FBN2: variants seen among roughly 807,000 people sequenced by gnomAD.
The protein encoded by FBN2 is fibrillin-2.
FBN2 carries 105 observed loss-of-function variants against 355.6 expected under a neutral mutation model. The ratio of observed to expected loss-of-function variants is 0.30; its 90% CI spans 0.25 to 0.35. FBN2 has a LOEUF of 0.35. Ranked by LOEUF, FBN2 falls within the 10% of genes least tolerant of loss-of-function variation. FBN2 has a pLI of 1.00. For synonymous variants in FBN2, 1,350 were observed against 1,301.2 expected, an observed-to-expected ratio of 1.04 and a Z score of -0.81; for missense variants, 3,280 against 3,758.7, an observed-to-expected ratio of 0.87 and a Z score of 3.33.
In FBN2 at chr5:128,529,380, T is replaced by A. The variant is rs150488243; in HGVS notation, c.436+1215A>T. Among the ~76,000 whole-genome samples, 361 of 152,210 alleles carry A rather than the reference T, an allele frequency of 2.4e-3. 1 individual carries two copies. The highest frequency in any genetic ancestry group is 3.8e-3 in the Non-Finnish European group (256 of 68,010). ...ACTGGCATTTTAAAAGTCAAGGGTG[T>A]TTCAAAGAAAATGAAAAACAACATT... On this transcript the variant is annotated intron_variant, in intron 3 of 64. Transcript: ENST00000262464.
intron 11 of FBN2, among the ~76,000 whole-genome samples, chr5:128,380,865 C>A (rs994946435): frequency 1.3e-5 from 2 of 151,980 alleles, no homozygotes; most frequent in Non-Finnish European, 2.9e-5. Flanking sequence ...TTAAATACTA[C>A]GTTCTGTACA....
intron 36 of FBN2, 57 bp from the exon 37 acceptor site, chr5:128,312,852 T>C: frequency 6.3e-7 from 1 of 1,589,458 alleles, no homozygotes; most frequent in East Asian, 2.2e-5. Flanking sequence ...AGGACTCCAT[T>C]TTAGGGAAAA....
intron 8 of FBN2, among the ~76,000 whole-genome samples, chr5:128,396,794 C>T (rs768092862): frequency 2.1e-4 from 32 of 152,182 alleles, no homozygotes; most frequent in Non-Finnish European, 3.8e-4. Context: ...TATCAAGATG[C>T]TTTCAAAGTT....
chr5:128,304,616 T>C (rs140695049), intron 45 of FBN2, among the ~76,000 whole-genome samples: 2 of 152,254 alleles, frequency 1.3e-5, no homozygotes, highest in East Asian at 3.9e-4. Context: ...AACATGAAAG[T>C]AAAGGGCAGC....
chr5:128,366,697 T>G (rs1207289994), intron 16 of FBN2, among the ~76,000 whole-genome samples: 1 of 152,132 alleles, frequency 6.6e-6, no homozygotes, highest in Admixed American at 6.5e-5. Context: ...ATAAGGAAAC[T>G]TTAAGAAAAA....
chr5:128,268,753 A>G (rs529959223), intron 62 of FBN2, among the ~76,000 whole-genome samples: 1 of 152,356 alleles, frequency 6.6e-6, no homozygotes, highest in Admixed American at 6.5e-5. Context: ...TCCATCAAAT[A>G]AGCAGAACCA....
intron 5 of FBN2, among the ~76,000 whole-genome samples, chr5:128,511,789 T>C (rs1397764557): frequency 6.6e-6 from 1 of 152,190 alleles, no homozygotes; most frequent in Non-Finnish European, 1.5e-5. Flanking sequence ...GACTCCTCTC[T>C]GTACTGTTTG....
chr5:128,292,621 A>G (rs1250801540), intron 48 of FBN2, among the ~76,000 whole-genome samples: 1 of 152,116 alleles, frequency 6.6e-6, no homozygotes, highest in South Asian at 2.1e-4. Flanking sequence ...CCAACAACAA[A>G]AAAAACAAAC....
Position 128,377,842 on chromosome 5 carries a change from T to C in FBN2, c.1759A>G (p.Lys587Glu), listed in dbSNP as rs1419383698. The C allele has an allele frequency of 4.3e-6, 7 of 1,613,650 alleles. No homozygotes were observed. The highest frequency in any genetic ancestry group is 1.1e-5 in the South Asian group (1 of 91,078). The change falls in exon 13 of 65, where the codon AAA becomes GAA. Residue 587 changes from lysine to glutamate, a missense_variant. By Grantham distance (56) the Lys-to-Glu change is moderately conservative. Around this residue, in one of 6 missense-constraint regions of FBN2, gnomAD observed 2,284 missense variants for 2,749.5 expected, o/e 0.83. Coordinates refer to ENST00000262464, the MANE Select transcript of FBN2 (RefSeq NM_001999.4). ...DECIQNGVLC[K>E]NGRCVNTDGS... ...TCTGTGTTCACGCATCGACCGTTTT[T>C]ACAAAGAACCCCATTCTGGATGCAC...
intron 2 of FBN2, 21 bp downstream of exon 2, chr5:128,536,381 C>G (rs772230558): frequency 1.1e-5 from 17 of 1,605,326 alleles, no homozygotes; most frequent in Admixed American, 1.7e-5. Context: ...CCCCAAGCTG[C>G]GATCCCTGCC....
intron 35 of FBN2, 63 bp downstream of exon 35, chr5:128,318,816 T>C (rs1249082917): frequency 3.9e-6 from 6 of 1,553,188 alleles, no homozygotes; most frequent in South Asian, 3.6e-5. Flanking sequence ...GGAATTTTTA[T>C]GCTTAGCACA....
At chr5:128,453,478 A>G (rs1447031307) in intron 6 of FBN2, among the ~76,000 whole-genome samples, 2 of 152,158 alleles carry the variant, frequency 1.3e-5, no homozygotes, top group Non-Finnish European at 2.9e-5. Context: ...CCTTCCTATA[A>G]CTGATGCTCC....
At chr5:128,497,203 C>T (rs1755677864) in intron 5 of FBN2, among the ~76,000 whole-genome samples, 1 of 152,042 alleles carries the variant, frequency 6.6e-6, no homozygotes, top group Admixed American at 6.6e-5. Flanking sequence ...TGAAGGGCAG[C>T]CTGATGACAT....
intron 7 of FBN2, among the ~76,000 whole-genome samples, chr5:128,414,811 T>A (rs544849879): frequency 2.0e-5 from 3 of 152,248 alleles, no homozygotes; most frequent in Admixed American, 1.3e-4. Context: ...ATCTACTTTT[T>A]TTTTTGCTTG....
chr5:128,310,396 ATATATATTTTTT>A (rs1346147238), intron 39 of FBN2, among the ~76,000 whole-genome samples: 191 of 18,402 alleles, frequency 0.01, 3 homozygotes, highest in Middle Eastern at 0.062. Flanking sequence ...ATATATATAT[ATATATATTTTTT>A]TTTTTTTTTT....
intron 20 of FBN2, among the ~76,000 whole-genome samples, chr5:128,354,005 C>A (rs1751437635): frequency 6.6e-6 from 1 of 152,186 alleles, no homozygotes; most frequent in African/African-American, 2.4e-5. Flanking sequence ...TGTCTCCCCA[C>A]TGACCCACTG....
intron 5 of FBN2, among the ~76,000 whole-genome samples, chr5:128,493,480 A>C (rs1235711345): frequency 2.0e-5 from 3 of 152,168 alleles, no homozygotes; most frequent in Non-Finnish European, 4.4e-5. Flanking sequence ...TCATGCCATC[A>C]AAACCTCACA....
intron 62 of FBN2, among the ~76,000 whole-genome samples, chr5:128,267,085 C>G (rs1324124851): frequency 1.3e-5 from 2 of 151,354 alleles, no homozygotes; most frequent in Non-Finnish European, 2.9e-5. Context: ...GTTTGGTTTT[C>G]TGTTCCTGTG....
chr5:128,299,855 A>T (rs912926928), intron 48 of FBN2, among the ~76,000 whole-genome samples: 2 of 151,888 alleles, frequency 1.3e-5, no homozygotes, highest in African/African-American at 4.8e-5. Flanking sequence ...CCCCCCTTAA[A>T]CTTTTCAAGA....
Sources: gnomAD v4.1 joint callset for allele counts (sites outside exome capture counted in the v4.1 genomes callset) on GRCh38, gnomAD v4.1.1 for gene constraint, gnomAD v4.1.1 regional missense constraint, MANE v1.5 for transcripts, NCBI Gene and HGNC (gene_info 2026-07-23, HGNC 2026-07-21) for gene names.